The following RECK variants were observed in gnomAD, a reference collection of about 807,000 sequenced individuals.
RECK encodes reversion-inducing cysteine-rich protein with Kazal motifs.
RECK carries 69 observed loss-of-function variants against 115.1 expected under a neutral mutation model. The ratio of observed to expected loss-of-function variants is 0.60; its 90% CI spans 0.49 to 0.73. The LOEUF (loss-of-function observed/expected upper bound fraction) is 0.73, where lower values mean the gene tolerates loss of function less well. RECK is among the 30% of genes least tolerant of loss of function. The probability of loss-of-function intolerance (pLI) is 0.00; values close to 1 mark genes in which losing one functional copy is unlikely to be tolerated. For synonymous variants in RECK, 414 were observed against 419.7 expected (o/e 0.99, Z 0.17); for missense variants, 1,047 against 1,203.7 (o/e 0.87, Z 1.93).
At chr9:36,090,012 C>A (rs1823103756) in intron 9 of RECK, among the ~76,000 whole-genome samples, 1 of 144,712 alleles carries the variant, frequency 6.9e-6, no homozygotes, top group African/African-American at 2.8e-5. Flanking sequence ...ACAAATTAGC[C>A]AGGTGTGGTG....
rs1820922248 is a variant in RECK at position 36,042,888 on chromosome 9, T to C, written c.100+5790T>C. On this transcript the variant is annotated intron_variant, in intron 1 of 20. Transcript: ENST00000377966. Reference sequence around the variant, plus strand: ...GGCTATTCTTGCATGAGTAAGGTGGTATTGCATTGTGGTTTTGATTTGCAT... The same window carrying C: ...GGCTATTCTTGCATGAGTAAGGTGGCATTGCATTGTGGTTTTGATTTGCAT... Among the ~76,000 whole-genome samples, 3 of 152,280 alleles carry C rather than the reference T, an allele frequency of 2.0e-5. No individual in the cohort carries two copies. In the South Asian group the frequency reaches 6.2e-4, roughly 32 times the overall value.
chr9:36,117,049 TGTGTACCAAGACA>T lies in RECK; in HGVS notation c.2127_2139del (p.Val710SerfsTer119). ...TAAATTTGGATGTAGCCAGTATGAG[TGTGTACCAAGACA>T]GCTCGCGTGTGACCAGGTCCAAGAT... On this transcript the variant is annotated frameshift_variant, in exon 17 of 21. Coordinates refer to ENST00000377966, the MANE Select transcript of RECK (RefSeq NM_021111.3). LOFTEE classifies it high-confidence loss of function. The T allele has an allele frequency of 1.2e-6, 2 of 1,613,912 alleles. No individual in the cohort carries two copies. Among genetic ancestry groups the T allele is most frequent in the Non-Finnish European group, 1.7e-6 (2 of 1,179,882 alleles).
intron 1 of RECK, among the ~76,000 whole-genome samples, chr9:36,045,748 G>GT (rs749216218): frequency 7.9e-5 from 12 of 152,014 alleles, no homozygotes; most frequent in African/African-American, 1.4e-4. Flanking sequence ...GTGTGTATTT[G>GT]TTTTTTTAAA....
intron 20 of RECK, among the ~76,000 whole-genome samples, chr9:36,122,034 G>A (rs144034901): frequency 3.5e-4 from 54 of 152,248 alleles, no homozygotes; most frequent in African/African-American, 1.2e-3. Flanking sequence ...TGCCCAAGCC[G>A]GGGAAGGAAC....
At chr9:36,098,650 C>T (rs1564127794) in intron 10 of RECK, among the ~76,000 whole-genome samples, 2 of 152,206 alleles carry the variant, frequency 1.3e-5, no homozygotes, top group East Asian at 3.9e-4. Context: ...AAATAAAGAC[C>T]TGTCTAGTAC....
intron 1 of RECK, among the ~76,000 whole-genome samples, chr9:36,040,109 T>A (rs143178143): frequency 6.6e-6 from 1 of 152,360 alleles, no homozygotes; most frequent in East Asian, 1.9e-4. Context: ...TATGAGTACT[T>A]ATTATACGTC....
chr9:36,040,022 T>G, intron 1 of RECK, among the ~76,000 whole-genome samples: 1 of 152,208 alleles, frequency 6.6e-6, no homozygotes, highest in East Asian at 1.9e-4. Flanking sequence ...TCAAGGAGGT[T>G]ATTTTTATAT....
chr9:36,115,315 AAATAAT>A lies in RECK; in HGVS notation c.2061-1648_2061-1643del, dbSNP rs10607815. On this transcript the variant is annotated intron_variant, in intron 16 of 20. Coordinates refer to ENST00000377966, the MANE Select transcript of RECK (RefSeq NM_021111.3). Reference sequence around the variant, plus strand: ...GGGTGACAGAGCAAGACTCTGTCTCAAATAATAATAATAATAATAATAATAATTGTT... The same window carrying A: ...GGGTGACAGAGCAAGACTCTGTCTCAAATAATAATAATAATAATAATTGTT... Among the ~76,000 whole-genome samples the A allele has an allele frequency of 7.0e-3, 1,048 of 149,354 alleles. 14 individuals are homozygous for A. Among genetic ancestry groups the A allele is most frequent in the African/African-American group, 0.023 (924 of 40,794 alleles).
At chr9:36,050,311 A>C (rs1346561505) in intron 1 of RECK, among the ~76,000 whole-genome samples, 1 of 152,216 alleles carries the variant, frequency 6.6e-6, no homozygotes, top group East Asian at 1.9e-4. Context: ...GTATTTCTAG[A>C]TATTTCTGTT....
chr9:36,065,512 G>A (rs546539749), intron 5 of RECK, 65 bp from the exon 6 acceptor site: 3 of 1,247,780 alleles, frequency 2.4e-6, no homozygotes, highest in Admixed American at 5.2e-5. Context: ...GCTAATTTAT[G>A]TTCTTTTTGC....
intron 6 of RECK, among the ~76,000 whole-genome samples, chr9:36,077,856 A>G (rs2132615558): frequency 6.6e-6 from 1 of 152,210 alleles, no homozygotes; most frequent in East Asian, 1.9e-4. Context: ...TTAGGCTTGG[A>G]GATCATTCAC....
intron 8 of RECK, 119 bp from the exon 9 acceptor site, chr9:36,087,575 G>A: frequency 2.1e-6 from 2 of 964,946 alleles, no homozygotes; most frequent in Non-Finnish European, 3.0e-6. Context: ...AACCACCATG[G>A]CATGTGTATA....
intron 16 of RECK, among the ~76,000 whole-genome samples, chr9:36,115,315 A>AAATAATAAAT (rs1824218304): frequency 6.7e-6 from 1 of 149,352 alleles, no homozygotes; most frequent in African/African-American, 2.5e-5. Flanking sequence ...ACTCTGTCTC[A>AAATAATAAAT]AATAATAATA....
At chr9:36,111,087 T>C (rs1012489359) in intron 15 of RECK, among the ~76,000 whole-genome samples, 8 of 152,324 alleles carry the variant, frequency 5.3e-5, no homozygotes, top group Admixed American at 2.0e-4. Flanking sequence ...AGGAAGACTT[T>C]TTAAAATTTT....
intron 12 of RECK, among the ~76,000 whole-genome samples, chr9:36,104,004 ATC>A (rs1465531987): frequency 6.6e-6 from 1 of 152,038 alleles, no homozygotes; most frequent in Admixed American, 6.6e-5. Flanking sequence ...AAAATTAAAT[ATC>A]TCTTTAAATA....
intron 2 of RECK, among the ~76,000 whole-genome samples, chr9:36,053,093 T>G (rs1821372282): frequency 6.6e-6 from 1 of 152,224 alleles, no homozygotes; most frequent in South Asian, 2.1e-4. Flanking sequence ...TTTGTGTATA[T>G]ATACAGAGAA....
At chr9:36,086,592 G>C (rs563820656) in intron 8 of RECK, among the ~76,000 whole-genome samples, 90 of 152,218 alleles carry the variant, frequency 5.9e-4, no homozygotes, top group African/African-American at 2.1e-3. Context: ...CTGCTGGCTC[G>C]GGTGGCCAGC....
intron 3 of RECK, among the ~76,000 whole-genome samples, chr9:36,059,455 CAAAA>C (rs35689662): frequency 7.7e-6 from 1 of 129,176 alleles, no homozygotes; most frequent in Non-Finnish European, 1.7e-5. Context: ...GACTCCGTCT[CAAAA>C]AAAAAAAAAA....
At chr9:36,058,806 T>G in intron 2 of RECK, 21 bp from the exon 3 acceptor site, 2 of 529,178 alleles carry the variant, frequency 3.8e-6, no homozygotes, top group South Asian at 7.7e-5. Flanking sequence ...CCACAAAAAC[T>G]TTTTTTTTTT....
Sources: allele counts gnomAD v4.1 joint callset (sites outside exome capture counted in the v4.1 genomes callset), GRCh38; gene constraint gnomAD v4.1.1; transcripts MANE v1.5; gene names NCBI Gene and HGNC (gene_info 2026-07-23, HGNC 2026-07-21).